The following VOPP1 variants were observed in gnomAD, a reference collection of about 807,000 sequenced individuals.
VOPP1 encodes WW domain binding protein VOPP1.
VOPP1 carries 8 observed loss-of-function variants against 23.5 expected under a neutral mutation model. The ratio of observed to expected loss-of-function variants is 0.34; its 90% CI spans 0.20 to 0.61. The LOEUF (loss-of-function observed/expected upper bound fraction) is 0.61. VOPP1 is among the 20% of genes least tolerant of loss of function. The pLI is 0.78. For synonymous variants in VOPP1, 83 were observed against 97.3 expected (o/e 0.85, Z 0.86); for missense variants, 174 against 238.1 (o/e 0.73, Z 1.77).
At chr7:55,462,725 G>T (rs1387976729) in intron 4 of VOPP1, among the ~76,000 whole-genome samples, 1 of 143,750 alleles carries the variant, frequency 7.0e-6, no homozygotes, top group Non-Finnish European at 1.5e-5. Context: ...GCGGGATCTC[G>T]GCTCACTGCA....
chr7:55,485,971 G>A (rs1793110266), intron 4 of VOPP1, among the ~76,000 whole-genome samples: 2 of 152,230 alleles, frequency 1.3e-5, no homozygotes, highest in Admixed American at 1.3e-4. Flanking sequence ...AGCCAGCGAG[G>A]CGGGCGGGGG....
chr7:55,511,176 G>A (rs1795046079), intron 2 of VOPP1, among the ~76,000 whole-genome samples: 1 of 152,194 alleles, frequency 6.6e-6, no homozygotes, highest in Admixed American at 6.5e-5. Flanking sequence ...TGAACTCAAA[G>A]CATACAAAGG....
chr7:55,526,076 CCT>C, intron 1 of VOPP1, among the ~76,000 whole-genome samples: 1 of 152,144 alleles, frequency 6.6e-6, no homozygotes, highest in Admixed American at 6.5e-5. Flanking sequence ...TGGGATATTC[CCT>C]CTGTGTGCAG....
chr7:55,572,304 CT>C lies in VOPP1; in HGVS notation c.20del (p.Lys7ArgfsTer61). MRRQPA[K>X]VAALLLGLLL... ...GCAGCCCGAGCAGCAGCGCCGCCAC[CT>C]TCGCAGGCTGGCGCCTCATGGCTCC... On this transcript the variant is annotated frameshift_variant, in exon 1 of 5. Transcript: ENST00000285279. LOFTEE classifies it high-confidence loss of function. 6.6e-7 allele frequency: 1 copy of C among 1,510,408 alleles called. No individual in the cohort carries two copies. The highest frequency in any genetic ancestry group is 2.8e-5 in the East Asian group (1 of 35,936). The allele number at this position is 1,510,408 out of a possible 1,614,324, so 93.6% of individuals were successfully genotyped here.
At chr7:55,543,999 GAAGCATTTCCCCA>G (rs1797253379) in intron 1 of VOPP1, among the ~76,000 whole-genome samples, 1 of 152,162 alleles carries the variant, frequency 6.6e-6, no homozygotes, top group Admixed American at 6.5e-5. Context: ...ACAATGTCCT[GAAGCATTTCCCCA>G]AAGTTTTATT....
intron 1 of VOPP1, among the ~76,000 whole-genome samples, chr7:55,566,540 C>T (rs1380141446): frequency 1.3e-5 from 2 of 151,884 alleles, no homozygotes; most frequent in Non-Finnish European, 2.9e-5. Context: ...CCAGCCTAGG[C>T]GACAGAGGGA....
intron 4 of VOPP1, among the ~76,000 whole-genome samples, chr7:55,446,285 G>A (rs989574051): frequency 7.2e-5 from 11 of 152,214 alleles, no homozygotes; most frequent in Non-Finnish European, 1.2e-4. Context: ...GAGCCACCGC[G>A]CCCGGCCGAG....
chr7:55,515,250 C>T (rs960871014), intron 2 of VOPP1, among the ~76,000 whole-genome samples: 28 of 152,180 alleles, frequency 1.8e-4, no homozygotes, highest in Admixed American at 3.3e-4. Context: ...AGGCCTCCCA[C>T]TACCCACAAA....
chr7:55,450,288 G>A (rs1562880789), intron 4 of VOPP1, among the ~76,000 whole-genome samples: 1 of 151,860 alleles, frequency 6.6e-6, no homozygotes, highest in Non-Finnish European at 1.5e-5. Flanking sequence ...TCTCTTGGGT[G>A]TCCCCAGCAG....
chr7:55,542,087 A>T (rs550219025), intron 1 of VOPP1, among the ~76,000 whole-genome samples: 2 of 152,388 alleles, frequency 1.3e-5, no homozygotes, highest in East Asian at 3.9e-4. Flanking sequence ...AAAGCTGTTT[A>T]AAAACATAAG....
At position 55,443,885 on chromosome 7, in the gene VOPP1, T is replaced by C. The variant is rs138526453; in HGVS notation, n.418-7711A>G. 8.6e-3 allele frequency among the ~76,000 whole-genome samples: 1,316 copies of C among 152,232 alleles called. 19 individuals carry two copies. Among genetic ancestry groups the C allele is most frequent in the African/African-American group, 0.03 (1,262 of 41,554 alleles). ...CTCAAACTCCTGACCTCAGGTGATC[T>C]GCCCGCCTCAGCCTCCCAAAGTGCT... is the stretch of plus-strand genomic sequence containing the variant. On this transcript the variant is annotated intron_variant and non_coding_transcript_variant, in intron 4 of 4. Coordinates refer to the VOPP1 transcript ENST00000462326.
intron 4 of VOPP1, among the ~76,000 whole-genome samples, chr7:55,479,104 T>A (rs1792497259): frequency 6.6e-6 from 1 of 152,202 alleles, no homozygotes; most frequent in Non-Finnish European, 1.5e-5. Context: ...AGGTATGTGT[T>A]ACTTGTAGCC....
At chr7:55,437,122 G>A (rs1462114370) in intron 4 of VOPP1, among the ~76,000 whole-genome samples, 1 of 152,210 alleles carries the variant, frequency 6.6e-6, no homozygotes, top group African/African-American at 2.4e-5. Flanking sequence ...CCTAATGGAG[G>A]TGGCAGGGAA....
chr7:55,473,271 G>A lies in VOPP1; in HGVS notation c.329-226C>T, dbSNP rs74997824. On this transcript the variant is annotated intron_variant, in intron 4 of 4. Coordinates refer to ENST00000285279, the MANE Select transcript of VOPP1 (RefSeq NM_030796.5). ...TTGATTCTACTGGACTACATTCCAC[G>A]TTACCAGTTCACACATTAGGGTGGA... 1.4e-3 allele frequency among the ~76,000 whole-genome samples: 211 copies of A among 152,302 alleles called. 1 individual carries two copies. Among genetic ancestry groups the A allele is most frequent in the African/African-American group, 4.9e-3 (204 of 41,552 alleles).
At position 55,477,305 on chromosome 7, in the gene VOPP1, G is replaced by A. The variant is rs536945316; in HGVS notation, c.329-4260C>T. ...CCCTGGTTCCCTGAGAGCCCAGAAC[G>A]GCACCTTGCATGTGGCAGACGTTCC... On this transcript the variant is annotated intron_variant, in intron 4 of 4. Coordinates refer to ENST00000285279, the MANE Select transcript of VOPP1 (RefSeq NM_030796.5). Among the ~76,000 whole-genome samples the A allele has an allele frequency of 3.9e-5, 6 of 152,334 alleles. 1 individual carries two copies. Among genetic ancestry groups the A allele is most frequent in the African/African-American group, 1.4e-4 (6 of 41,574 alleles).
chr7:55,451,174 G>T (rs1791234365), intron 4 of VOPP1, among the ~76,000 whole-genome samples: 1 of 152,070 alleles, frequency 6.6e-6, no homozygotes. Flanking sequence ...TTATAGGAGG[G>T]CACTGGGCCC....
At chr7:55,494,668 C>T (rs941124032) in intron 3 of VOPP1, among the ~76,000 whole-genome samples, 11 of 152,294 alleles carry the variant, frequency 7.2e-5, no homozygotes, top group South Asian at 2.1e-4. Context: ...TTGGTAGAGA[C>T]GGAGTCTCAC....
chr7:55,550,241 C>T (rs970202526), intron 1 of VOPP1, among the ~76,000 whole-genome samples: 1 of 152,244 alleles, frequency 6.6e-6, no homozygotes, highest in Non-Finnish European at 1.5e-5. Flanking sequence ...ACAGCAGCCA[C>T]TAGGTGCCGC....
intron 1 of VOPP1, 48 bp from the exon 2 acceptor site, chr7:55,521,178 T>C (rs1449974387): frequency 1.3e-6 from 2 of 1,530,884 alleles, no homozygotes; most frequent in South Asian, 1.2e-5. Context: ...GGAATCTGCA[T>C]GTTGTTGAGA....
Sources: gnomAD v4.1 joint callset for allele counts (sites outside exome capture counted in the v4.1 genomes callset) on GRCh38, gnomAD v4.1.1 for gene constraint, MANE v1.5 for transcripts, NCBI Gene and HGNC (gene_info 2026-07-23, HGNC 2026-07-21) for gene names.